Variants in SRPK3 observed in about 807,000 individuals in gnomAD.
The protein encoded by SRPK3 is SRSF protein kinase 3.
A neutral mutation model predicts 45.3 loss-of-function variants in SRPK3; 26 were observed. The ratio of observed to expected loss-of-function variants is 0.57; its 90% CI spans 0.42 to 0.80. SRPK3 has a LOEUF of 0.80. SRPK3 is among the 30% of genes least tolerant of loss of function. SRPK3 has a pLI of 0.00. For synonymous variants in SRPK3, 254 were observed against 226.6 expected, an observed-to-expected ratio of 1.12 and a Z score of -1.09; for missense variants, 536 against 514.5, an observed-to-expected ratio of 1.04 and a Z score of -0.40.
rs2092056747 is a variant in SRPK3, at chrX:153,782,271, C to T, written c.475+63C>T. The T allele has an allele frequency of 4.0e-6, 4 of 995,113 alleles. No homozygotes were observed. In the African/African-American group the frequency reaches 7.5e-5, roughly 19 times the overall value. The allele number at this position is 995,113 out of a possible 1,213,427, so 82.0% of individuals were successfully genotyped here. On this transcript the variant is annotated intron_variant, in intron 5 of 14. Transcript: ENST00000370101. ...AAGGGCCGGCAAATGGGGGGGCCCT[C>T]GCTGCTAGAGCCTGTCTGCAGACCC...
chrX:153,785,275 C>T lies in SRPK3; in HGVS notation c.1520-61C>T, dbSNP rs782590867. The T allele has an allele frequency of 2.8e-4, 328 of 1,187,084 alleles. 2 individuals are homozygous for T. The African/African-American group carries it at 4.8e-3, about 18-fold the overall frequency. On this transcript the variant is annotated intron_variant, in intron 14 of 14. Transcript: ENST00000370101. ...AACACTGGGTCCCAGGAGCCAGGGCCTAAGCAGAAGGCAGGTCCAGAGACA... is the reference window on the plus strand; with the variant it reads ...AACACTGGGTCCCAGGAGCCAGGGCTTAAGCAGAAGGCAGGTCCAGAGACA...
rs372984891 is a variant in SRPK3, at chrX:153,784,100, G to T, written c.1034G>T (p.Ser345Ile). The T allele has an allele frequency of 8.3e-7, 1 of 1,209,375 alleles. No homozygotes were observed. Among genetic ancestry groups the T allele is most frequent in the African/African-American group, 1.7e-5 (1 of 57,355 alleles). ...SPAPGGGRSL[S>I]AGSQTSGFSG... ...GCCCCAGGGGGCGGCCGTAGCCTCA[G>T]CGCGGGCTCACAGACCTCAGGCTTC... The change falls in exon 10 of 15, where the codon AGC becomes ATC. Residue 345 changes from serine to isoleucine, a missense_variant. Physicochemically the swap from Ser to Ile is moderately radical, Grantham distance 142. Transcript: ENST00000370101.
At position 153,784,063 on chromosome X, in the gene SRPK3, T is replaced by C; in HGVS notation, c.997T>C (p.Ser333Pro). Reference sequence around the variant, plus strand: ...CGCCAGAGCAGGTCCCTCCCCAGCCTCTTCCTCCCCCGCCCCAGGGGGCGG... The same window carrying C: ...CGCCAGAGCAGGTCCCTCCCCAGCCCCTTCCTCCCCCGCCCCAGGGGGCGG... ...GGARAGPSPASSSPAPGGGRS... is the reference protein window; with the variant it reads ...GGARAGPSPAPSSPAPGGGRS... The change falls in exon 10 of 15, where the codon TCT (serine) becomes CCT (proline). Residue 333 changes from serine to proline, a missense_variant. Coordinates refer to ENST00000370101, the MANE Select transcript of SRPK3 (RefSeq NM_014370.4). 1.7e-6 allele frequency: 2 copies of C among 1,210,288 alleles called. No individual in the cohort carries two copies.
Position 153,782,114 on chromosome X carries a change from G to C in SRPK3, c.388-7G>C. The C allele has an allele frequency of 1.7e-6, 2 of 1,209,832 alleles. No homozygotes were observed. The highest frequency in any genetic ancestry group is 2.2e-6 in the Non-Finnish European group (2 of 893,825). On this transcript the variant is annotated splice_region_variant and splice_polypyrimidine_tract_variant and intron_variant, in intron 4 of 14. Coordinates refer to ENST00000370101, the MANE Select transcript of SRPK3 (RefSeq NM_014370.4). ...AACCATCTGTGGCCCCTTGGCTTTT[G>C]CTCCAGGTCCGGGACAGCGACCCCA...
chrX:153,781,851 A>C, intron 4 of SRPK3, 21 bp downstream of exon 4: 1 of 1,203,561 alleles, frequency 8.3e-7, no homozygotes, highest in Non-Finnish European at 1.1e-6. Flanking sequence ...TCCCTACCCC[A>C]CTCCCAGCTC....
intron 5 of SRPK3, 140 bp downstream of exon 5, chrX:153,782,348 G>A (rs782204451): frequency 3.4e-5 from 17 of 504,280 alleles, no homozygotes; most frequent in African/African-American, 1.4e-4. Flanking sequence ...GCACGACCCC[G>A]CCCCCAGGTA....
rs1307851269 is a variant in SRPK3, at chrX:153,784,096, C to T, written c.1030C>T (p.Leu344Phe). Reference protein sequence around the residue: ...SSPAPGGGRSLSAGSQTSGFS... With the variant: ...SSPAPGGGRSFSAGSQTSGFS... ...CCCCGCCCCAGGGGGCGGCCGTAGC[C>T]TCAGCGCGGGCTCACAGACCTCAGG... The change falls in exon 10 of 15, where the codon CTC becomes TTC. Residue 344 changes from leucine to phenylalanine, a missense_variant. Physicochemically the swap from Leu to Phe is conservative, Grantham distance 22. Transcript: ENST00000370101. 14 of 1,209,535 alleles carry T rather than the reference C, an allele frequency of 1.2e-5. No homozygotes were observed. The highest frequency in any genetic ancestry group is 1.6e-5 in the Non-Finnish European group (14 of 895,262).
intron 14 of SRPK3, 39 bp downstream of exon 14, chrX:153,785,212 G>A (rs782210370): frequency 5.3e-6 from 6 of 1,129,952 alleles, no homozygotes; most frequent in Non-Finnish European, 7.2e-6. Flanking sequence ...TGGCTGCAGG[G>A]AGGGTGGGAC....
rs782198714 is a variant in SRPK3 at position 153,784,127 on chromosome X, C to CAGG, written c.1061_1062insAGG (p.Gly355dup). 1.7e-5 allele frequency: 21 copies of CAGG among 1,209,469 alleles called. No homozygotes were observed. Among genetic ancestry groups the CAGG allele is most frequent in the Non-Finnish European group, 2.2e-6 (2 of 895,322 alleles). ...GCGGGCTCACAGACCTCAGGCTTCT[C>CAGG]CGGCTCCCTCTTCTCTCCTGCCTCC... On this transcript the variant is annotated inframe_insertion, in exon 10 of 15. Transcript: ENST00000370101.
chrX:153,781,752 C>T lies in SRPK3; in HGVS notation c.309C>T (p.Arg103=). 8.3e-7 allele frequency: 1 copy of T among 1,211,685 alleles called. No individual in the cohort carries two copies. The highest frequency in any genetic ancestry group is 1.1e-6 in the Non-Finnish European group (1 of 895,560). ...VWLCWDIQRK[R]FVALKVVKSA... ...GGTCTCGGTATTGCAGGCGCAAGCG[C>T]TTTGTGGCCCTCAAAGTGGTGAAGA... The change falls in exon 4 of 15, where the codon CGC becomes CGT. Residue 103 remains arginine (R), a synonymous_variant. Transcript: ENST00000370101.
chrX:153,785,686 C>T lies in SRPK3; in HGVS notation c.*166C>T, dbSNP rs2092083372. 2 of 798,468 alleles carry T rather than the reference C, an allele frequency of 2.5e-6. No individual in the cohort carries two copies. Among genetic ancestry groups the T allele is most frequent in the Non-Finnish European group, 1.8e-6 (1 of 558,607 alleles). 65.8% of individuals were successfully genotyped at this position (798,468 alleles called of 1,213,427 possible). On this transcript the variant is annotated 3_prime_UTR_variant, in exon 15 of 15. Coordinates refer to ENST00000370101, the MANE Select transcript of SRPK3 (RefSeq NM_014370.4). ...TGCCTGAGACCCCCGTGAGGGCTCT[C>T]GGAGAAAGTGTGTGTATTCCTTTCT... is the stretch of plus-strand genomic sequence containing the variant.
intron 11 of SRPK3, 156 bp from the exon 12 acceptor site, chrX:153,784,594 T>C: frequency 1.1e-5 from 8 of 723,473 alleles, no homozygotes; most frequent in Non-Finnish European, 1.6e-5. Flanking sequence ...CAGCCTCACA[T>C]CACTGGGCCT....
At chrX:153,783,488 G>C (rs1557067714) in intron 8 of SRPK3, among the ~76,000 whole-genome samples, 1 of 113,092 alleles carries the variant, frequency 8.8e-6, no homozygotes. Context: ...CTTAGCTTGG[G>C]CTGAGAGGGG....
In SRPK3 at chrX:153,782,746, C is replaced by T. The variant is rs781914166; in HGVS notation, c.476-26C>T. ...GGGCCTGTGCCGCAGCTGGTGTCCA[C>T]TGGCCGCCCTTCACTCCCAGCCCAG... On this transcript the variant is annotated intron_variant, in intron 5 of 14. Transcript: ENST00000370101. 9.3e-6 allele frequency: 11 copies of T among 1,179,888 alleles called. No individual in the cohort carries two copies. The East Asian group carries it at 3.3e-4, about 36-fold the overall frequency.
chrX:153,781,892 G>T, intron 4 of SRPK3, 62 bp downstream of exon 4: 1 of 1,149,306 alleles, frequency 8.7e-7, no homozygotes, highest in Non-Finnish European at 1.2e-6. Flanking sequence ...TGGCAATGCG[G>T]GTGCAAGGCC....
rs1036980017 is a variant in SRPK3, at chrX:153,785,113, G to A, written c.1459G>A (p.Asp487Asn). The A allele has an allele frequency of 1.7e-6, 2 of 1,210,966 alleles. No homozygotes were observed. ...HIAHIVELLG[D>N]IPPAFALSGR... ...CGCTCACATAGTGGAGCTTCTGGGGGACATCCCCCCAGCCTTCGCCCTCTC... is the reference window on the plus strand; with the variant it reads ...CGCTCACATAGTGGAGCTTCTGGGGAACATCCCCCCAGCCTTCGCCCTCTC... Residue 487 changes from aspartate (D) to asparagine (N), a missense_variant, in exon 14 of 15, where the codon GAC becomes AAC. By Grantham distance (23) the Asp-to-Asn change is conservative. Transcript: ENST00000370101.
At chrX:153,782,038 G>C in intron 4 of SRPK3, 83 bp from the exon 5 acceptor site, 2 of 982,438 alleles carry the variant, frequency 2.0e-6, no homozygotes, top group Non-Finnish European at 1.4e-6. Context: ...GGCCCAGCTG[G>C]AGCAGGAGAA....
In SRPK3 at chrX:153,785,682, C is replaced by A; in HGVS notation, c.*162C>A. The A allele has an allele frequency of 1.2e-6, 1 of 801,309 alleles. No homozygotes were observed. Among genetic ancestry groups the A allele is most frequent in the Non-Finnish European group, 1.8e-6 (1 of 560,606 alleles). The allele number at this position is 801,309 out of a possible 1,213,427, so 66.0% of individuals were successfully genotyped here. On this transcript the variant is annotated 3_prime_UTR_variant, in exon 15 of 15. Coordinates refer to ENST00000370101, the MANE Select transcript of SRPK3 (RefSeq NM_014370.4). The stretch of plus-strand genomic sequence containing the variant: ...GTTCTGCCTGAGACCCCCGTGAGGG[C>A]TCTCGGAGAAAGTGTGTGTATTCCT...
chrX:153,784,704 G>C (rs782453467), intron 11 of SRPK3, 46 bp from the exon 12 acceptor site: 7 of 1,168,538 alleles, frequency 6.0e-6, no homozygotes, highest in South Asian at 3.6e-5. Flanking sequence ...GTGGGGGCAG[G>C]ACAGCCTTGG....
Sources: gnomAD v4.1 joint callset for allele counts (sites outside exome capture counted in the v4.1 genomes callset) on GRCh38, gnomAD v4.1.1 for gene constraint, MANE v1.5 for transcripts, NCBI Gene and HGNC (gene_info 2026-07-23, HGNC 2026-07-21) for gene names.